The following COL4A3 variants were observed in gnomAD, a reference collection of about 807,000 sequenced individuals.
The protein encoded by COL4A3 is collagen type IV alpha 3 chain.
COL4A3 carries 135 observed loss-of-function variants against 217.4 expected under a neutral mutation model. The observed-to-expected ratio is 0.62, with a 90% CI of 0.54 to 0.72. COL4A3 has a LOEUF of 0.72. Ranked by LOEUF, COL4A3 falls within the 30% of genes least tolerant of loss-of-function variation. The probability of loss-of-function intolerance (pLI) is 0.00; values close to 1 mark genes in which losing one functional copy is unlikely to be tolerated. For synonymous variants in COL4A3, 690 were observed against 736.3 expected (o/e 0.94, Z 1.02); for missense variants, 1,868 against 2,119.9 (o/e 0.88, Z 2.33).
intron 51 of COL4A3, 125 bp downstream of exon 51, chr2:227,311,073 G>T: frequency 3.2e-6 from 3 of 934,066 alleles, no homozygotes; most frequent in Non-Finnish European, 3.4e-6. Context: ...ACAAAATATG[G>T]GTTTTGTCAT....
intron 20 of COL4A3, 40 bp from the exon 21 acceptor site, chr2:227,263,740 G>GA (rs748591522): frequency 1.4e-5 from 22 of 1,584,176 alleles, no homozygotes; most frequent in African/African-American, 2.7e-5. Context: ...TATTAATCAG[G>GA]AAAAAATGTA....
chr2:227,213,140 T>C (rs1294531913), intron 1 of COL4A3, among the ~76,000 whole-genome samples: 1 of 152,170 alleles, frequency 6.6e-6, no homozygotes, highest in Non-Finnish European at 1.5e-5. Context: ...TATTTTAGGG[T>C]ACAGTGAAAA....
chr2:227,280,462 C>T lies in COL4A3; in HGVS notation c.2246C>T (p.Pro749Leu). 2 of 1,614,116 alleles carry T rather than the reference C, an allele frequency of 1.2e-6. No individual in the cohort carries two copies. The highest frequency in any genetic ancestry group is 1.7e-6 in the Non-Finnish European group (2 of 1,180,020). ...TAGGGAGAACCAGCAGTAGCCATGC[C>T]TGGAGGACCAGGAACACCAGGTTTT... ...GAKGEPAVAM[P>L]GGPGTPGFPG... The change falls in exon 30 of 52, where the codon CCT becomes CTT. Residue 749 changes from proline (P) to leucine (L), a missense_variant. By Grantham distance (98) the Pro-to-Leu change is moderately conservative. This residue lies in a region of COL4A3 where 1,503 missense variants were observed against 1,786.1 expected (regional missense o/e 0.84). Transcript: ENST00000396578.
chr2:227,215,749 G>T (rs1337994619), intron 1 of COL4A3, among the ~76,000 whole-genome samples: 3 of 152,160 alleles, frequency 2.0e-5, no homozygotes, highest in Non-Finnish European at 2.9e-5. Flanking sequence ...GTGAGCCACT[G>T]CACCGGGCCT....
At chr2:227,234,267 C>T (rs1443151888) in intron 1 of COL4A3, among the ~76,000 whole-genome samples, 1 of 152,130 alleles carries the variant, frequency 6.6e-6, no homozygotes, top group African/African-American at 2.4e-5. Context: ...GGAGGAGACA[C>T]CAGTGTTTCC....
At chr2:227,290,670 A>T in intron 36 of COL4A3, 77 bp from the exon 37 acceptor site, 1 of 1,432,866 alleles carries the variant, frequency 7.0e-7, no homozygotes, top group South Asian at 1.2e-5. Flanking sequence ...GAGAAAGCTT[A>T]TGTAAAACTG....
chr2:227,288,886 C>A (rs1451140817), intron 34 of COL4A3, among the ~76,000 whole-genome samples: 1 of 151,852 alleles, frequency 6.6e-6, no homozygotes, highest in East Asian at 1.9e-4. Context: ...TCGGTTTAAA[C>A]CAGGATGTGG....
At chr2:227,259,316 T>A (rs1418921481) in intron 18 of COL4A3, 1 of 153,610 alleles carries the variant, frequency 6.5e-6, no homozygotes, top group Non-Finnish European at 1.4e-5. Flanking sequence ...ATACAGTATT[T>A]TTTGATGTGT....
At chr2:227,170,208 T>C (rs753977341) in intron 1 of COL4A3, among the ~76,000 whole-genome samples, 16 of 151,542 alleles carry the variant, frequency 1.1e-4, no homozygotes, top group African/African-American at 3.9e-4. Flanking sequence ...AATTTTCTTA[T>C]TTAACAGTTT....
At chr2:227,273,410 T>C (rs2071362772) in intron 26 of COL4A3, among the ~76,000 whole-genome samples, 1 of 152,178 alleles carries the variant, frequency 6.6e-6, no homozygotes, top group Non-Finnish European at 1.5e-5. Flanking sequence ...AATTTGTTTT[T>C]TGTGGTTTTC....
intron 1 of COL4A3, among the ~76,000 whole-genome samples, chr2:227,174,667 C>T (rs6748014): frequency 0.05 from 7,533 of 152,098 alleles, 232 homozygotes; most frequent in Admixed American, 0.087. Flanking sequence ...CCACTATGCC[C>T]GCCTAATTTT....
At chr2:227,256,589 A>C (rs777955489) in intron 17 of COL4A3, 193 bp downstream of exon 17, 1 of 752,198 alleles carries the variant, frequency 1.3e-6, no homozygotes, top group Non-Finnish European at 2.4e-6. Context: ...CTTGAGGAAA[A>C]GGTATTAAAC....
At chr2:227,248,203 G>C in intron 8 of COL4A3, 1 of 426,816 alleles carries the variant, frequency 2.3e-6, no homozygotes, top group Non-Finnish European at 4.4e-6. Context: ...ATCTCCCAAA[G>C]TGCTGGGATT....
intron 25 of COL4A3, among the ~76,000 whole-genome samples, chr2:227,271,835 C>G (rs972574016): frequency 6.6e-6 from 1 of 152,164 alleles, no homozygotes; most frequent in South Asian, 2.1e-4. Flanking sequence ...AATGTATTTA[C>G]AAGAGGTTTG....
At chr2:227,234,520 G>T (rs2068583438) in intron 1 of COL4A3, among the ~76,000 whole-genome samples, 1 of 152,118 alleles carries the variant, frequency 6.6e-6, no homozygotes, top group Admixed American at 6.6e-5. Context: ...CTTCAAATTG[G>T]ATGCAAATAA....
intron 1 of COL4A3, among the ~76,000 whole-genome samples, chr2:227,193,752 G>A (rs1165932621): frequency 5.2e-5 from 1 of 19,052 alleles, no homozygotes; most frequent in African/African-American, 1.9e-4. Flanking sequence ...AGGGAGGGAA[G>A]GAAGGAAGGA....
chr2:227,253,762 A>G lies in COL4A3; in HGVS notation c.765+124A>G. On this transcript the variant is annotated intron_variant, in intron 13 of 51. Coordinates refer to ENST00000396578, the MANE Select transcript of COL4A3 (RefSeq NM_000091.5). The surrounding 1 kb of genome is among the most constrained non-coding windows in gnomAD (Gnocchi z 4.4). ...CCAGCTCAGCCCAGCTCCCTCAGCC[A>G]GCCAGAACCTCCAGGATTGATTCCT... 1 of 856,074 alleles carries G rather than the reference A, an allele frequency of 1.2e-6. No homozygotes were observed. Among genetic ancestry groups the G allele is most frequent in the Non-Finnish European group, 2.0e-6 (1 of 495,262 alleles). 53.0% of individuals were successfully genotyped at this position (856,074 alleles called of 1,614,324 possible).
chr2:227,238,308 CAA>C (rs912741958), intron 2 of COL4A3: 106 of 303,598 alleles, frequency 3.5e-4, no homozygotes, highest in African/African-American at 2.0e-3. Flanking sequence ...AAGTTTATGA[CAA>C]GTCTCCATAT....
chr2:227,243,843 A>G (rs544334562), intron 3 of COL4A3, among the ~76,000 whole-genome samples: 101 of 152,294 alleles, frequency 6.6e-4, no homozygotes, highest in African/African-American at 2.4e-3. Context: ...ACATTTTGTT[A>G]ATAGAGTGTT....
Sources: allele counts gnomAD v4.1 joint callset (sites outside exome capture counted in the v4.1 genomes callset), GRCh38; gene constraint gnomAD v4.1.1; regional missense constraint gnomAD v4.1.1; non-coding constraint Gnocchi (gnomAD v3.1); transcripts MANE v1.5; gene names NCBI Gene and HGNC (gene_info 2026-07-23, HGNC 2026-07-21).